The following BCAS3 variants were observed in gnomAD, a reference collection of about 807,000 sequenced individuals.
BCAS3 encodes the protein BCAS4/BCAS3 fusion.
Under a neutral mutation model 116.1 loss-of-function variants are expected in BCAS3, and 53 were observed. The ratio of observed to expected loss-of-function variants is 0.46; its 90% CI spans 0.37 to 0.57. The LOEUF (loss-of-function observed/expected upper bound fraction) is 0.57. Ranked by LOEUF, BCAS3 falls within the 20% of genes least tolerant of loss-of-function variation. BCAS3 has a pLI of 0.00. For missense variants in BCAS3, 917 were observed against 1,165.4 expected, an observed-to-expected ratio of 0.79 and a Z score of 3.10; for synonymous variants, 391 against 408.2, an observed-to-expected ratio of 0.96 and a Z score of 0.51.
At chr17:60,916,362 T>A (rs926885240) in intron 12 of BCAS3, among the ~76,000 whole-genome samples, 3 of 152,184 alleles carry the variant, frequency 2.0e-5, no homozygotes. Context: ...TAGCCCCAAA[T>A]TCCATTTGTA....
chr17:60,870,352 C>G (rs2054995291), intron 8 of BCAS3, among the ~76,000 whole-genome samples: 1 of 151,990 alleles, frequency 6.6e-6, no homozygotes, highest in Admixed American at 6.6e-5. Context: ...GCAGAAGGGA[C>G]ATAAGTAAAC....
rs1306238144 is a variant in BCAS3, at chr17:61,346,832, G to C, written c.2426-21495G>C. ...GCATGTGCTGTGGGGATGTGGTAGA[G>C]GGACTGGTTCCTCATCCAGGGTGAC... On this transcript the variant is annotated intron_variant, in intron 22 of 23. Coordinates refer to ENST00000407086, the MANE Select transcript of BCAS3 (RefSeq NM_017679.5). This position sits in a 1 kb window ranked among gnomAD's most constrained non-coding sequence, Gnocchi z 5.4. 1.3e-5 allele frequency among the ~76,000 whole-genome samples: 2 copies of C among 152,214 alleles called. No individual in the cohort carries two copies. Among genetic ancestry groups the C allele is most frequent in the African/African-American group, 4.8e-5 (2 of 41,452 alleles).
chr17:60,834,848 C>T (rs1205202245), intron 7 of BCAS3, among the ~76,000 whole-genome samples: 1 of 151,850 alleles, frequency 6.6e-6, no homozygotes, highest in Non-Finnish European at 1.5e-5. Context: ...CAACATCTTG[C>T]TTTTTGTGGT....
chr17:60,709,408 T>G, intron 5 of BCAS3, 83 bp downstream of exon 5: 2 of 838,010 alleles, frequency 2.4e-6, no homozygotes, highest in Non-Finnish European at 3.8e-6. Flanking sequence ...TTTTTTTTTT[T>G]GAGACAGAGT....
chr17:60,767,059 G>T (rs567036450), intron 6 of BCAS3, among the ~76,000 whole-genome samples: 1 of 152,308 alleles, frequency 6.6e-6, no homozygotes, highest in Non-Finnish European at 1.5e-5. Context: ...TTGGAAAAGC[G>T]CAGTGTTTAG....
intron 22 of BCAS3, among the ~76,000 whole-genome samples, chr17:61,317,466 G>A (rs770139083): frequency 6.6e-5 from 10 of 152,180 alleles, no homozygotes; most frequent in East Asian, 5.8e-4. Context: ...GAGTCAAGCC[G>A]GGAGAACCAG....
intron 13 of BCAS3, among the ~76,000 whole-genome samples, chr17:60,946,858 C>T (rs575253139): frequency 1.1e-4 from 17 of 152,278 alleles, no homozygotes; most frequent in Non-Finnish European, 1.9e-4. Flanking sequence ...CTGCAGTGAG[C>T]TGTGATCAGG....
At chr17:61,334,683 A>AAAAAAAC in intron 22 of BCAS3, among the ~76,000 whole-genome samples, 1 of 151,294 alleles carries the variant, frequency 6.6e-6, no homozygotes, top group Non-Finnish European at 1.5e-5. Context: ...AAAAAAAAAA[A>AAAAAAAC]AAAAAACACC....
chr17:60,788,663 C>T lies in BCAS3; in HGVS notation c.404-19341C>T, dbSNP rs146037311. The stretch of plus-strand genomic sequence containing the variant: ...CTTTTTTGTGGGTTTGTTGATGGTG[C>T]CTGGAGCCTCTCTATTTTCCTATTT... On this transcript the variant is annotated intron_variant, in intron 6 of 23. Transcript: ENST00000407086. 7.8e-4 allele frequency among the ~76,000 whole-genome samples: 118 copies of T among 152,070 alleles called. 1 individual carries two copies. Among genetic ancestry groups the T allele is most frequent in the Non-Finnish European group, 9.3e-4 (63 of 67,958 alleles).
chr17:61,100,829 A>G (rs2074280109), intron 22 of BCAS3, among the ~76,000 whole-genome samples: 1 of 152,012 alleles, frequency 6.6e-6, no homozygotes, highest in Non-Finnish European at 1.5e-5. Flanking sequence ...ATCCATGCAA[A>G]CATAAATTAA....
intron 14 of BCAS3, among the ~76,000 whole-genome samples, chr17:60,963,722 A>AT (rs1401762493): frequency 1.3e-5 from 2 of 151,800 alleles, no homozygotes; most frequent in Non-Finnish European, 2.9e-5. Context: ...TGCCCAGCTA[A>AT]TTTTTTGTAT....
intron 22 of BCAS3, among the ~76,000 whole-genome samples, chr17:61,266,896 C>G (rs1365942412): frequency 1.3e-5 from 2 of 152,220 alleles, no homozygotes; most frequent in Non-Finnish European, 2.9e-5. Flanking sequence ...TGTCCTCACA[C>G]ACGCACATTC....
At chr17:60,842,033 C>T (rs2051988892) in intron 7 of BCAS3, among the ~76,000 whole-genome samples, 1 of 152,072 alleles carries the variant, frequency 6.6e-6, no homozygotes, top group Admixed American at 6.6e-5. Context: ...TGAAAATTTA[C>T]CAAGGTGTAC....
chr17:61,277,639 T>G (rs1458897061), intron 22 of BCAS3, among the ~76,000 whole-genome samples: 1 of 140,798 alleles, frequency 7.1e-6, no homozygotes, highest in Non-Finnish European at 1.5e-5. Context: ...AACTACTACA[T>G]ACATACACAA....
chr17:60,950,657 A>G (rs2060782227), intron 14 of BCAS3, among the ~76,000 whole-genome samples: 1 of 152,232 alleles, frequency 6.6e-6, no homozygotes, highest in African/African-American at 2.4e-5. Flanking sequence ...TGAATTATTT[A>G]CAGGTGAACA....
chr17:61,070,088 A>G (rs1264277632), intron 19 of BCAS3: 1 of 1,578,642 alleles, frequency 6.3e-7, no homozygotes, highest in Middle Eastern at 1.8e-4. Context: ...AAGCTTGACC[A>G]CTATGCTATC....
chr17:60,867,342 GTGATC>G (rs1292359015), intron 7 of BCAS3, among the ~76,000 whole-genome samples: 1 of 152,072 alleles, frequency 6.6e-6, no homozygotes, highest in East Asian at 1.9e-4. Flanking sequence ...CTGACCTCAA[GTGATC>G]TGCCTGTCTT....
At chr17:61,269,917 C>T (rs2050097322) in intron 22 of BCAS3, among the ~76,000 whole-genome samples, 1 of 151,680 alleles carries the variant, frequency 6.6e-6, no homozygotes, top group African/African-American at 2.4e-5. Flanking sequence ...GATTCTTGTG[C>T]CTCAGTCCCC....
chr17:61,103,089 A>G (rs1375576715), intron 22 of BCAS3, among the ~76,000 whole-genome samples: 2 of 152,168 alleles, frequency 1.3e-5, no homozygotes, highest in Non-Finnish European at 2.9e-5. Flanking sequence ...GATATATTCC[A>G]ATAACAGATT....
Sources: gnomAD v4.1 joint callset for allele counts (sites outside exome capture counted in the v4.1 genomes callset) on GRCh38, gnomAD v4.1.1 for gene constraint, Gnocchi (gnomAD v3.1) non-coding constraint, MANE v1.5 for transcripts, NCBI Gene and HGNC (gene_info 2026-07-23, HGNC 2026-07-21) for gene names.